EDARADD: variants seen among roughly 807,000 people sequenced by gnomAD.
EDARADD encodes the protein EDAR associated via death domain.
In EDARADD, 20 loss-of-function variants were observed where a neutral mutation model predicts 25.6. That is an observed-to-expected ratio of 0.78 (90% CI 0.55 to 1.14). EDARADD has a LOEUF of 1.14. Among genes scored for constraint, EDARADD ranks in the 50% most tolerant of loss-of-function variants. The probability of loss-of-function intolerance (pLI) is 0.00; values close to 1 mark genes in which losing one functional copy is unlikely to be tolerated. For missense variants in EDARADD, 225 were observed against 270.1 expected, an observed-to-expected ratio of 0.83 and a Z score of 1.17; for synonymous variants, 86 against 94.4, an observed-to-expected ratio of 0.91 and a Z score of 0.52.
rs878957197 is a variant in EDARADD at position 236,483,515 on chromosome 1, T to C, written c.*866T>C. The C allele has an allele frequency of 2.9e-6, 3 of 1,033,694 alleles. No individual in the cohort carries two copies. Among genetic ancestry groups the C allele is most frequent in the South Asian group, 1.3e-5 (1 of 79,156 alleles). 64.0% of individuals were successfully genotyped at this position (1,033,694 alleles called of 1,614,324 possible). A position where few individuals can be genotyped will look rare whatever the true frequency, so the allele number is the denominator to read the frequency against. On this transcript the variant is annotated 3_prime_UTR_variant, in exon 6 of 6. Coordinates refer to ENST00000334232, the MANE Select transcript of EDARADD (RefSeq NM_145861.4). ...ATGCCATTCTGGGAGTGTCCCTCGCTGCCTGCAAAGCTAGTGCTGTTGAGA... is the reference window on the plus strand; with the variant it reads ...ATGCCATTCTGGGAGTGTCCCTCGCCGCCTGCAAAGCTAGTGCTGTTGAGA...
intron 3 of EDARADD, among the ~76,000 whole-genome samples, chr1:236,386,937 C>T (rs1458888271): frequency 2.1e-4 from 13 of 61,654 alleles, no homozygotes; most frequent in African/African-American, 4.0e-4. Flanking sequence ...GTCAGCCCCC[C>T]GCCCGGCCAG....
intron 4 of EDARADD, among the ~76,000 whole-genome samples, chr1:236,466,234 A>G (rs905933283): frequency 1.3e-5 from 2 of 152,214 alleles, no homozygotes; most frequent in Non-Finnish European, 2.9e-5. Context: ...GGAGTGTTGC[A>G]GATGCAAACA....
chr1:236,370,504 C>T (rs2102993419), intron 3 of EDARADD, among the ~76,000 whole-genome samples: 1 of 152,268 alleles, frequency 6.6e-6, no homozygotes, highest in South Asian at 2.1e-4. Flanking sequence ...TTTGTTATTA[C>T]TCAAATCAGT....
At chr1:236,474,020 T>A (rs944911984) in intron 5 of EDARADD, among the ~76,000 whole-genome samples, 2 of 152,114 alleles carry the variant, frequency 1.3e-5, no homozygotes, top group African/African-American at 4.8e-5. Context: ...GTCCAAGCGA[T>A]ACAGGAAATG....
intron 3 of EDARADD, among the ~76,000 whole-genome samples, chr1:236,376,091 T>C (rs960248799): frequency 1.7e-4 from 26 of 151,944 alleles, no homozygotes; most frequent in East Asian, 3.9e-4. Flanking sequence ...TGCACCACCA[T>C]GCCCAGCTAA....
intron 3 of EDARADD, among the ~76,000 whole-genome samples, chr1:236,373,872 GT>G (rs1667197392): frequency 6.6e-6 from 1 of 152,064 alleles, no homozygotes; most frequent in South Asian, 2.1e-4. Context: ...TTTTCATTTA[GT>G]TCAAAGTATT....
intron 3 of EDARADD, among the ~76,000 whole-genome samples, chr1:236,415,983 G>A (rs572582086): frequency 6.6e-6 from 1 of 152,284 alleles, no homozygotes; most frequent in East Asian, 1.9e-4. Flanking sequence ...GTGGATAATC[G>A]TAGAGAGATC....
chr1:236,385,147 G>C lies in EDARADD; in HGVS notation c.-5-24069G>C, dbSNP rs542675144. Among the ~76,000 whole-genome samples the C allele has an allele frequency of 2.8e-5, 4 of 140,942 alleles. No individual in the cohort carries two copies. The Admixed American group carries it at 3.0e-4, about 11-fold the overall frequency. 92.5% of individuals were successfully genotyped at this position (140,942 alleles called of 152,430 possible). Reference sequence around the variant, plus strand: ...TTCCTGGCCGGGCGCGGTAGCTCACGCCTGTAATCTCAGCACTTTGGGAGG... The same window carrying C: ...TTCCTGGCCGGGCGCGGTAGCTCACCCCTGTAATCTCAGCACTTTGGGAGG... On this transcript the variant is annotated intron_variant, in intron 3 of 7. Coordinates refer to the EDARADD transcript ENST00000439430.
intron 3 of EDARADD, among the ~76,000 whole-genome samples, chr1:236,363,143 CA>C (rs1221067396): frequency 2.0e-5 from 3 of 147,702 alleles, no homozygotes; most frequent in Non-Finnish European, 4.5e-5. Context: ...GCTGGGATTA[CA>C]GGCATGAACC....
intron 4 of EDARADD, among the ~76,000 whole-genome samples, chr1:236,439,981 T>C (rs1244385677): frequency 6.6e-6 from 1 of 152,194 alleles, no homozygotes; most frequent in Non-Finnish European, 1.5e-5. Flanking sequence ...TAATTTTCTA[T>C]TTACTTCTAG....
chr1:236,379,924 C>G (rs770857786), intron 3 of EDARADD, among the ~76,000 whole-genome samples: 15 of 152,068 alleles, frequency 9.9e-5, no homozygotes, highest in Non-Finnish European at 1.6e-4. Context: ...GCTAAAGGTA[C>G]CAGGTATAAC....
chr1:236,438,074 T>C (rs1189163283), intron 4 of EDARADD, among the ~76,000 whole-genome samples: 2 of 151,748 alleles, frequency 1.3e-5, no homozygotes, highest in African/African-American at 4.8e-5. Flanking sequence ...TCATGGCTTG[T>C]AGCTGGCTGG....
At chr1:236,352,847 C>CATAA (rs138228557) in intron 3 of EDARADD, among the ~76,000 whole-genome samples, 2 of 151,612 alleles carry the variant, frequency 1.3e-5, no homozygotes, top group African/African-American at 4.8e-5. Context: ...AACTCCATCT[C>CATAA]ATAAATAAAT....
chr1:236,368,244 C>A (rs1667131772), intron 3 of EDARADD, among the ~76,000 whole-genome samples: 1 of 152,190 alleles, frequency 6.6e-6, no homozygotes, highest in African/African-American at 2.4e-5. Context: ...ATCAGCATCA[C>A]AAGGAAGCCT....
At position 236,430,846 on chromosome 1, in the gene EDARADD, G is replaced by C. The variant is rs114025269; in HGVS notation, c.219+3396G>C. On this transcript the variant is annotated intron_variant, in intron 4 of 5. Coordinates refer to ENST00000334232, the MANE Select transcript of EDARADD (RefSeq NM_145861.4). ...TAAAAGCAAGCTGGAGGCCGAGCTCGGTGGCTCACGCCTATAATCCCAACA... is the reference window on the plus strand; with the variant it reads ...TAAAAGCAAGCTGGAGGCCGAGCTCCGTGGCTCACGCCTATAATCCCAACA... Among the ~76,000 whole-genome samples, 380 of 152,244 alleles carry C rather than the reference G, an allele frequency of 2.5e-3. 1 individual carries two copies. Among genetic ancestry groups the C allele is most frequent in the African/African-American group, 8.5e-3 (355 of 41,546 alleles).
chr1:236,399,601 CTG>C (rs776354575), intron 1 of EDARADD, among the ~76,000 whole-genome samples: 2 of 152,206 alleles, frequency 1.3e-5, no homozygotes, highest in African/African-American at 4.8e-5. Flanking sequence ...AGCTATCACC[CTG>C]TGTCTCTCCC....
At position 236,483,703 on chromosome 1, in the gene EDARADD, A is replaced by C; in HGVS notation, c.*1054A>C. On this transcript the variant is annotated 3_prime_UTR_variant, in exon 6 of 6. Transcript: ENST00000334232. ...CCAGTCGGTGCAGCAAACTTCAGGG[A>C]AGCCATGCCCATTGGAGCGGAGGTT... is the stretch of plus-strand genomic sequence containing the variant. 9 of 1,565,504 alleles carry C rather than the reference A, an allele frequency of 5.7e-6. No individual in the cohort carries two copies. The highest frequency in any genetic ancestry group is 7.9e-6 in the Non-Finnish European group (9 of 1,137,524).
chr1:236,397,992 C>T (rs1667549280), intron 1 of EDARADD, among the ~76,000 whole-genome samples: 1 of 152,200 alleles, frequency 6.6e-6, no homozygotes, highest in African/African-American at 2.4e-5. Context: ...TGACCATACT[C>T]TCTCGCCTGA....
intron 3 of EDARADD, among the ~76,000 whole-genome samples, chr1:236,382,836 C>T (rs1360732116): frequency 6.6e-6 from 1 of 152,136 alleles, no homozygotes; most frequent in East Asian, 1.9e-4. Context: ...AGGCACGGTT[C>T]CCTCTGAAGT....
Sources: gnomAD v4.1 joint callset for allele counts (sites outside exome capture counted in the v4.1 genomes callset) on GRCh38, gnomAD v4.1.1 for gene constraint, MANE v1.5 for transcripts, NCBI Gene and HGNC (gene_info 2026-07-23, HGNC 2026-07-21) for gene names.